CNTN5: variants seen among roughly 807,000 people sequenced by gnomAD.
CNTN5 encodes contactin 5, also known as contactin-5.
CNTN5 carries 77 observed loss-of-function variants against 129.1 expected under a neutral mutation model. That is an observed-to-expected ratio of 0.60 (90% CI 0.50 to 0.72). The LOEUF (loss-of-function observed/expected upper bound fraction) is 0.72. CNTN5 is among the 30% of genes least tolerant of loss of function. CNTN5 has a pLI of 0.00. For missense variants in CNTN5, 1,478 were observed against 1,328.8 expected (o/e 1.11, Z -1.75); for synonymous variants, 509 against 465.6 (o/e 1.09, Z -1.20).
intron 17 of CNTN5, among the ~76,000 whole-genome samples, chr11:100,261,917 G>C (rs754332615): frequency 6.6e-6 from 1 of 152,086 alleles, no homozygotes; most frequent in Non-Finnish European, 1.5e-5. Flanking sequence ...AACACCAAAA[G>C]CAATGGCAAC....
intron 6 of CNTN5, among the ~76,000 whole-genome samples, chr11:99,893,234 TCA>T (rs1949111531): frequency 6.6e-6 from 1 of 152,162 alleles, no homozygotes; most frequent in Non-Finnish European, 1.5e-5. Flanking sequence ...AATATCAGTG[TCA>T]TTTTCTTCCC....
intron 3 of CNTN5, among the ~76,000 whole-genome samples, chr11:99,670,592 T>G (rs537580390): frequency 6.6e-6 from 1 of 152,306 alleles, no homozygotes; most frequent in East Asian, 1.9e-4. Context: ...CCTTCCTGAT[T>G]TAGGCTTTGC....
At chr11:100,271,800 A>G (rs1950412947) in intron 18 of CNTN5, among the ~76,000 whole-genome samples, 1 of 152,236 alleles carries the variant, frequency 6.6e-6, no homozygotes, top group Admixed American at 6.5e-5. Flanking sequence ...CAGCTTTTAG[A>G]AAAAGCATAT....
At chr11:99,232,824 A>G (rs1861071441) in intron 1 of CNTN5, among the ~76,000 whole-genome samples, 1 of 152,164 alleles carries the variant, frequency 6.6e-6, no homozygotes, top group Admixed American at 6.5e-5. Flanking sequence ...TGTCTCTTAT[A>G]TTTCTGTTAT....
intron 13 of CNTN5, among the ~76,000 whole-genome samples, chr11:100,105,914 C>T (rs548090903): frequency 2.6e-5 from 4 of 152,186 alleles, no homozygotes; most frequent in Admixed American, 6.5e-5. Flanking sequence ...ACAAGCCTTT[C>T]TCTCATAACA....
intron 16 of CNTN5, 21 bp from the exon 17 acceptor site, chr11:100,255,739 T>C (rs777425609): frequency 3.7e-6 from 6 of 1,609,298 alleles, no homozygotes; most frequent in Non-Finnish European, 5.1e-6. Context: ...CTTAACTTTA[T>C]CCATTGCCTT....
intron 3 of CNTN5, among the ~76,000 whole-genome samples, chr11:99,733,399 TG>T (rs200442430): frequency 0.052 from 7,036 of 134,894 alleles, 677 homozygotes; most frequent in African/African-American, 0.19. Context: ...TCATTGCTCA[TG>T]ATGTTTTCTC....
rs1265716731 is a variant in CNTN5 at position 100,291,260 on chromosome 11, A to G, written c.2315-6365A>G. On this transcript the variant is annotated intron_variant, in intron 18 of 24. Coordinates refer to ENST00000524871, the MANE Select transcript of CNTN5 (RefSeq NM_014361.4). ...TGACCCAGCCATCCCATTACTGGGT[A>G]TATACCCAATGGACTATAAATCATG... 9.9e-5 allele frequency among the ~76,000 whole-genome samples: 15 copies of G among 151,860 alleles called. 1 individual carries two copies. Among genetic ancestry groups the G allele is most frequent in the Admixed American group, 9.8e-4 (15 of 15,234 alleles).
At chr11:99,690,743 G>A (rs1352520840) in intron 3 of CNTN5, among the ~76,000 whole-genome samples, 1 of 152,010 alleles carries the variant, frequency 6.6e-6, no homozygotes, top group East Asian at 1.9e-4. Flanking sequence ...TCTCTGCCAG[G>A]TTTGGATATT....
At chr11:99,091,940 A>T (rs1162832507) in intron 1 of CNTN5, among the ~76,000 whole-genome samples, 1 of 152,208 alleles carries the variant, frequency 6.6e-6, no homozygotes, top group African/African-American at 2.4e-5. Flanking sequence ...TCAAGATTGG[A>T]GGAATGCTAT....
intron 3 of CNTN5, among the ~76,000 whole-genome samples, chr11:99,704,050 T>C (rs1413717262): frequency 6.7e-6 from 1 of 149,610 alleles, no homozygotes; most frequent in Non-Finnish European, 1.5e-5. Flanking sequence ...TGTGTGTATA[T>C]ATATATATGT....
At chr11:100,236,144 A>G (rs981161507) in intron 16 of CNTN5, among the ~76,000 whole-genome samples, 2 of 152,172 alleles carry the variant, frequency 1.3e-5, no homozygotes, top group African/African-American at 4.8e-5. Context: ...ACGTGCACGG[A>G]TGATCAAAGG....
At position 99,819,564 on chromosome 11, in the gene CNTN5, G is replaced by C. The variant is rs202035562; in HGVS notation, c.76G>C (p.Gly26Arg). ...TACAGAGTATTCAAAATCTCTTCCT[G>C]GTCTCTCCACTTCATATGCTGCTTT... is the stretch of plus-strand genomic sequence containing the variant. ...CLSEYSKSLPGLSTSYAALLR... is the reference protein window; with the variant it reads ...CLSEYSKSLPRLSTSYAALLR... The change falls in exon 4 of 25, where the codon GGT (glycine) becomes CGT (arginine). Residue 26 changes from glycine (G) to arginine (R), a missense_variant. Coordinates refer to ENST00000524871, the MANE Select transcript of CNTN5 (RefSeq NM_014361.4). 17 of 1,611,854 alleles carry C rather than the reference G, an allele frequency of 1.1e-5. No homozygotes were observed. In the Middle Eastern group the frequency reaches 8.2e-4, roughly 78 times the overall value.
intron 1 of CNTN5, among the ~76,000 whole-genome samples, chr11:99,120,665 C>A (rs1446615957): frequency 6.6e-6 from 1 of 152,116 alleles, no homozygotes; most frequent in Non-Finnish European, 1.5e-5. Context: ...GATAGATTTC[C>A]ATAGGTATAA....
chr11:99,882,024 G>A (rs1218425567), intron 6 of CNTN5, among the ~76,000 whole-genome samples: 3 of 152,164 alleles, frequency 2.0e-5, no homozygotes, highest in Admixed American at 1.3e-4. Flanking sequence ...CTCAGATAGT[G>A]TAGTTTAGCA....
chr11:99,071,429 C>T (rs1865337371), intron 1 of CNTN5, among the ~76,000 whole-genome samples: 1 of 151,716 alleles, frequency 6.6e-6, no homozygotes, highest in Admixed American at 6.6e-5. Context: ...CAAAGGGTTA[C>T]CTTAAAAAAC....
At chr11:99,067,361 A>T (rs1359283535) in intron 1 of CNTN5, among the ~76,000 whole-genome samples, 1 of 152,120 alleles carries the variant, frequency 6.6e-6, no homozygotes, top group Non-Finnish European at 1.5e-5. Flanking sequence ...GTTCTCCTAA[A>T]ATAAATATTG....
At chr11:100,046,074 G>A (rs1305759893) in intron 9 of CNTN5, among the ~76,000 whole-genome samples, 1 of 147,794 alleles carries the variant, frequency 6.8e-6, no homozygotes, top group Non-Finnish European at 1.5e-5. Context: ...ACTCATAGGT[G>A]GGAATTGAAC....
intron 21 of CNTN5, among the ~76,000 whole-genome samples, chr11:100,328,002 A>G (rs1451016172): frequency 6.6e-6 from 1 of 152,118 alleles, no homozygotes; most frequent in Non-Finnish European, 1.5e-5. Flanking sequence ...ATCACTGAGT[A>G]CAATTAAAGG....
Sources: gnomAD v4.1 joint callset for allele counts (sites outside exome capture counted in the v4.1 genomes callset) on GRCh38, gnomAD v4.1.1 for gene constraint, MANE v1.5 for transcripts, NCBI Gene and HGNC (gene_info 2026-07-23, HGNC 2026-07-21) for gene names.